PLD5: variants seen among roughly 807,000 people sequenced by gnomAD.
The protein encoded by PLD5 is inactive phospholipase D5.
PLD5 carries 36 observed loss-of-function variants against 61.1 expected under a neutral mutation model. The ratio of observed to expected loss-of-function variants is 0.59; its 90% CI spans 0.45 to 0.78. The LOEUF is 0.78. Ranked by LOEUF, PLD5 falls within the 30% of genes least tolerant of loss-of-function variation. PLD5 has a pLI of 0.00. For missense variants in PLD5, 515 were observed against 644.4 expected (o/e 0.80, Z 2.17); for synonymous variants, 243 against 242.8 (o/e 1.00, Z -0.01).
chr1:242,372,880 T>C (rs1661717036), intron 1 of PLD5, among the ~76,000 whole-genome samples: 1 of 152,142 alleles, frequency 6.6e-6, no homozygotes, highest in Non-Finnish European at 1.5e-5. Flanking sequence ...GACATAGGCA[T>C]GGGCAAGGAC....
At chr1:242,326,129 C>T (rs1430638695) in intron 2 of PLD5, among the ~76,000 whole-genome samples, 2 of 62,396 alleles carry the variant, frequency 3.2e-5, no homozygotes, top group African/African-American at 1.1e-4. Flanking sequence ...CTCCCCCCTC[C>T]CTCCCAAAGT....
At chr1:242,456,705 G>T (rs1005516356) in intron 1 of PLD5, among the ~76,000 whole-genome samples, 3 of 152,130 alleles carry the variant, frequency 2.0e-5, no homozygotes, top group Non-Finnish European at 4.4e-5. Flanking sequence ...GTGAACAAAA[G>T]GTGGGGAGGA....
At chr1:242,356,371 G>A (rs1660754094) in intron 1 of PLD5, among the ~76,000 whole-genome samples, 1 of 151,362 alleles carries the variant, frequency 6.6e-6, no homozygotes, top group Non-Finnish European at 1.5e-5. Flanking sequence ...TTTCTCTAAT[G>A]TAGCTATCAC....
chr1:242,458,954 A>G (rs56976627), intron 1 of PLD5, among the ~76,000 whole-genome samples: 2,567 of 152,252 alleles, frequency 0.017, 76 homozygotes, highest in African/African-American at 0.059. Context: ...CTTCATTGCT[A>G]TTACTGCGAC....
At position 242,373,395 on chromosome 1, in the gene PLD5, T is replaced by C. The variant is rs556671529; in HGVS notation, c.190-25153A>G. ...ACCATTGTGGAAGACAGTGTGGCGA[T>C]TCCTCAAGGATCTAGAACTAGAAAT... On this transcript the variant is annotated intron_variant, in intron 1 of 9. Coordinates refer to ENST00000536534, the MANE Select transcript of PLD5 (RefSeq NM_001372062.1). Among the ~76,000 whole-genome samples the C allele has an allele frequency of 2.6e-5, 4 of 152,314 alleles. No homozygotes were observed. The South Asian group carries it at 8.3e-4, about 32-fold the overall frequency.
rs75835750 is a variant in PLD5 at position 242,478,704 on chromosome 1, G to C, written c.189+45384C>G. Among the ~76,000 whole-genome samples, 1,521 of 152,256 alleles carry C rather than the reference G, an allele frequency of 1.0e-2. 34 individuals are homozygous for C. Among genetic ancestry groups the C allele is most frequent in the African/African-American group, 0.035 (1,468 of 41,538 alleles). ...TCTTTGATATTCCCTGGACTGCTAG[G>C]CATCGGGCAGATGTAAAGAGTTGTA... On this transcript the variant is annotated intron_variant, in intron 1 of 9. Coordinates refer to ENST00000536534, the MANE Select transcript of PLD5 (RefSeq NM_001372062.1).
At chr1:242,522,913 C>A (rs1448206002) in intron 1 of PLD5, among the ~76,000 whole-genome samples, 2 of 152,176 alleles carry the variant, frequency 1.3e-5, no homozygotes, top group Non-Finnish European at 2.9e-5. Flanking sequence ...CTTTCAGTGA[C>A]TTCATCAGGC....
At position 242,084,265 on chromosome 1, in the gene PLD5, C is replaced by T. The variant is rs930441672; in HGVS notation, c.*5589G>A. On this transcript the variant is annotated 3_prime_UTR_variant, in exon 10 of 10. Coordinates refer to ENST00000536534, the MANE Select transcript of PLD5 (RefSeq NM_001372062.1). The stretch of plus-strand genomic sequence containing the variant: ...TTGACTATTGCAGACTCAAAGTTCA[C>T]TTTTAAGCCTTTGCTAACCTCTCCA... The T allele has an allele frequency of 1.8e-4, 28 of 151,698 alleles. 1 individual carries two copies. Among genetic ancestry groups the T allele is most frequent in the African/African-American group, 6.5e-4 (27 of 41,310 alleles). 9.4% of individuals were successfully genotyped at this position (151,698 alleles called of 1,614,324 possible). A position where few individuals can be genotyped will look rare whatever the true frequency, so the allele number is the denominator to read the frequency against.
chr1:242,380,933 C>T (rs1295521075), intron 1 of PLD5, among the ~76,000 whole-genome samples: 3 of 152,210 alleles, frequency 2.0e-5, no homozygotes, highest in Non-Finnish European at 2.9e-5. Flanking sequence ...AAAAGGAACA[C>T]TTTTACACTG....
chr1:242,259,640 A>T (rs1347786523), intron 4 of PLD5, among the ~76,000 whole-genome samples: 3 of 152,082 alleles, frequency 2.0e-5, no homozygotes, highest in Non-Finnish European at 4.4e-5. Flanking sequence ...CTTCTATGAC[A>T]CTTATTTCAC....
chr1:242,248,900 T>C (rs1672542114), intron 4 of PLD5, among the ~76,000 whole-genome samples: 1 of 152,104 alleles, frequency 6.6e-6, no homozygotes, highest in Non-Finnish European at 1.5e-5. Flanking sequence ...GTAATCCCAG[T>C]ACTTTAGGAG....
chr1:242,465,273 G>A (rs1667239842), intron 1 of PLD5, among the ~76,000 whole-genome samples: 1 of 152,124 alleles, frequency 6.6e-6, no homozygotes, highest in Non-Finnish European at 1.5e-5. Context: ...TCCAGAAGCC[G>A]AACCTTTCTC....
chr1:242,382,033 C>A (rs570020718), intron 1 of PLD5, among the ~76,000 whole-genome samples: 2 of 150,694 alleles, frequency 1.3e-5, no homozygotes, highest in Non-Finnish European at 2.9e-5. Context: ...AGGTAGCCGA[C>A]GCATTGGCTG....
At chr1:242,511,421 A>C (rs1262235260) in intron 1 of PLD5, among the ~76,000 whole-genome samples, 1 of 152,192 alleles carries the variant, frequency 6.6e-6, no homozygotes, top group Non-Finnish European at 1.5e-5. Context: ...GAAAAATAGT[A>C]ACTTTATAGT....
At chr1:242,442,892 A>G (rs1666341005) in intron 1 of PLD5, among the ~76,000 whole-genome samples, 1 of 152,218 alleles carries the variant, frequency 6.6e-6, no homozygotes, top group South Asian at 2.1e-4. Flanking sequence ...ATAAACGGGT[A>G]TTCCTTATCC....
At chr1:242,182,108 T>A (rs1234736720) in intron 5 of PLD5, among the ~76,000 whole-genome samples, 2 of 152,224 alleles carry the variant, frequency 1.3e-5, no homozygotes, top group African/African-American at 2.4e-5. Flanking sequence ...CTGATCCATA[T>A]TTTAAAGGGA....
At chr1:242,106,918 G>A (rs1171375418) in intron 8 of PLD5, among the ~76,000 whole-genome samples, 1 of 152,174 alleles carries the variant, frequency 6.6e-6, no homozygotes. Flanking sequence ...CAAGTCTGGG[G>A]TGGAGGAAGA....
At chr1:242,491,364 T>C (rs973490086) in intron 1 of PLD5, among the ~76,000 whole-genome samples, 2 of 152,166 alleles carry the variant, frequency 1.3e-5, no homozygotes, top group African/African-American at 4.8e-5. Flanking sequence ...ATATGTATAA[T>C]AGATACATGA....
At chr1:242,431,818 T>C (rs1665734406) in intron 1 of PLD5, among the ~76,000 whole-genome samples, 2 of 152,230 alleles carry the variant, frequency 1.3e-5, no homozygotes, top group Non-Finnish European at 2.9e-5. Flanking sequence ...TTTTACTCTG[T>C]GCCAGAGAAA....
Sources: allele counts gnomAD v4.1 joint callset (sites outside exome capture counted in the v4.1 genomes callset), GRCh38; gene constraint gnomAD v4.1.1; transcripts MANE v1.5; gene names NCBI Gene and HGNC (gene_info 2026-07-23, HGNC 2026-07-21).